Variants in NAA11 observed in about 807,000 individuals in gnomAD.
The protein encoded by NAA11 is N-alpha-acetyltransferase 11, NatA catalytic subunit.
In NAA11, 15 loss-of-function variants were observed where a neutral mutation model predicts 16.1. The ratio of observed to expected loss-of-function variants is 0.93; its 90% CI spans 0.62 to 1.44. The LOEUF is 1.44. NAA11 is among the 40% of genes most tolerant of loss of function. The pLI, the probability that NAA11 is intolerant of heterozygous loss-of-function variation, is 0.00. For missense variants in NAA11, 298 were observed against 291.3 expected (o/e 1.02, Z -0.17); for synonymous variants, 122 against 112.4 (o/e 1.09, Z -0.54).
chr4:79,258,577 G>GCATAGGAGGGAAGCTGATGC lies in NAA11; in HGVS notation c.*123-32308_*123-32307insGCATCAGCTTCCCTCCTATG, dbSNP rs1560429126. Among the ~76,000 whole-genome samples the GCATAGGAGGGAAGCTGATGC allele has an allele frequency of 2.6e-5, 4 of 152,034 alleles. No homozygotes were observed. The East Asian group carries it at 5.8e-4, about 22-fold the overall frequency. ...GATGAGCATAGGAGGGAAGCTGATG[G>GCATAGGAGGGAAGCTGATGC]AGGAACTGAGGGTAGCTTGGTGCTG... On this transcript the variant is annotated intron_variant and NMD_transcript_variant, in intron 2 of 2. Transcript: ENST00000511542.
chr4:79,309,809 G>A (rs891023799), intron 1 of NAA11, among the ~76,000 whole-genome samples: 3 of 134,904 alleles, frequency 2.2e-5, no homozygotes, highest in African/African-American at 5.4e-5. Context: ...TCCATCTCCC[G>A]GGTTCACGCC....
intron 2 of NAA11, among the ~76,000 whole-genome samples, chr4:79,231,119 A>T (rs899272459): frequency 6.6e-6 from 1 of 152,008 alleles, no homozygotes; most frequent in Non-Finnish European, 1.5e-5. Flanking sequence ...AGACAAACTG[A>T]CATAGAGAGC....
At chr4:79,279,990 A>G (rs1722747752) in intron 2 of NAA11, among the ~76,000 whole-genome samples, 1 of 152,044 alleles carries the variant, frequency 6.6e-6, no homozygotes, top group African/African-American at 2.4e-5. Flanking sequence ...ACATTCATGG[A>G]TGTTTTGCCA....
chr4:79,219,364 C>G, the NAA11 span, among the ~76,000 whole-genome samples: 1 of 152,146 alleles, frequency 6.6e-6, no homozygotes, highest in East Asian at 1.9e-4. Flanking sequence ...TACCAGATGA[C>G]AGCTCAAATA....
the NAA11 span, among the ~76,000 whole-genome samples, chr4:79,167,132 T>TTATATATATATATA: frequency 0.019 from 323 of 17,268 alleles, 63 homozygotes; most frequent in Middle Eastern, 0.061. Context: ...ACAGCTTATT[T>TTATATATATATATA]TATATATATA....
At chr4:79,268,801 C>T (rs551580957) in intron 2 of NAA11, among the ~76,000 whole-genome samples, 69 of 151,392 alleles carry the variant, frequency 4.6e-4, no homozygotes, top group African/African-American at 1.5e-3. Context: ...GCTGCACCCA[C>T]TAACTCGTTA....
intron 2 of NAA11, among the ~76,000 whole-genome samples, chr4:79,279,753 T>G (rs1251366126): frequency 1.3e-5 from 2 of 152,096 alleles, no homozygotes; most frequent in African/African-American, 4.8e-5. Context: ...TCATACCTGA[T>G]TATTGCAGAA....
intron 2 of NAA11, among the ~76,000 whole-genome samples, chr4:79,251,754 A>G (rs1253744450): frequency 6.6e-6 from 1 of 152,204 alleles, no homozygotes; most frequent in Non-Finnish European, 1.5e-5. Flanking sequence ...AGTATGCTTT[A>G]TATTTTATTT....
At chr4:79,218,143 T>C in the NAA11 span, among the ~76,000 whole-genome samples, 4 of 152,106 alleles carry the variant, frequency 2.6e-5, no homozygotes, top group Non-Finnish European at 5.9e-5. Flanking sequence ...TTGTCAAAGA[T>C]AGGTCAAACA....
At chr4:79,208,925 CAA>C in the NAA11 span, among the ~76,000 whole-genome samples, 30 of 53,984 alleles carry the variant, frequency 5.6e-4, no homozygotes, top group East Asian at 2.3e-3. Context: ...ATATAACTGC[CAA>C]AAAAAAAAAA....
intron 2 of NAA11, among the ~76,000 whole-genome samples, chr4:79,283,563 A>G (rs12642606): frequency 0.45 from 68,407 of 151,752 alleles, 15,959 homozygotes; most frequent in Middle Eastern, 0.56. Flanking sequence ...CAGAAAAGCA[A>G]AGGCAGAATT....
chr4:79,272,892 C>A (rs1267464172), intron 2 of NAA11, among the ~76,000 whole-genome samples: 1 of 151,856 alleles, frequency 6.6e-6, no homozygotes, highest in East Asian at 1.9e-4. Flanking sequence ...TCTTGAGCGG[C>A]TGGAACAGTT....
At chr4:79,275,381 C>T (rs1722624407) in intron 2 of NAA11, among the ~76,000 whole-genome samples, 1 of 152,014 alleles carries the variant, frequency 6.6e-6, no homozygotes, top group Admixed American at 6.6e-5. Context: ...TGATGAAGAA[C>T]TGGAAAGAAT....
At chr4:79,208,925 C>CAAAAAAAAAAAAAAAAAAAAAAAAAAA in the NAA11 span, among the ~76,000 whole-genome samples, 4 of 53,968 alleles carry the variant, frequency 7.4e-5, no homozygotes, top group African/African-American at 5.8e-5. Context: ...ATATAACTGC[C>CAAAAAAAAAAAAAAAAAAAAAAAAAAA]AAAAAAAAAA....
downstream of NAA11, among the ~76,000 whole-genome samples, chr4:79,316,230 T>C (rs1471363778): frequency 2.0e-5 from 3 of 152,164 alleles, no homozygotes; most frequent in Non-Finnish European, 4.4e-5. Context: ...AAAGCTGTAA[T>C]ATTTAAAAAT....
intron 1 of NAA11, among the ~76,000 whole-genome samples, chr4:79,310,001 C>T (rs939704128): frequency 1.3e-5 from 2 of 152,090 alleles, no homozygotes; most frequent in Non-Finnish European, 2.9e-5. Context: ...AGGCGTGAGC[C>T]ACCGCACCCT....
intron 2 of NAA11, among the ~76,000 whole-genome samples, chr4:79,230,614 A>G (rs994901172): frequency 9.9e-5 from 15 of 152,028 alleles, no homozygotes; most frequent in Non-Finnish European, 1.6e-4. Context: ...AAATTATCAG[A>G]CAGATCAGAG....
the NAA11 span, among the ~76,000 whole-genome samples, chr4:79,185,541 G>A: frequency 1.3e-5 from 2 of 152,128 alleles, no homozygotes; most frequent in African/African-American, 4.8e-5. Context: ...ATAACTCTTT[G>A]GGGAAAGTTG....
At chr4:79,193,742 G>GT in the NAA11 span, among the ~76,000 whole-genome samples, 5 of 152,112 alleles carry the variant, frequency 3.3e-5, no homozygotes, top group Non-Finnish European at 5.9e-5. Context: ...CTTTAAAATA[G>GT]TTTTTTCCAA....
Sources: gnomAD v4.1 joint callset for allele counts (sites outside exome capture counted in the v4.1 genomes callset) on GRCh38, gnomAD v4.1.1 for gene constraint, MANE v1.5 for transcripts, NCBI Gene and HGNC (gene_info 2026-07-23, HGNC 2026-07-21) for gene names.